ISY1: variants seen among roughly 807,000 people sequenced by gnomAD.
The protein encoded by ISY1 is pre-mRNA-splicing factor ISY1 homolog.
A neutral mutation model predicts 54.4 loss-of-function variants in ISY1; 12 were observed. The observed-to-expected ratio is 0.22, with a 90% CI of 0.14 to 0.36. The LOEUF is 0.36. ISY1 is among the 10% of genes least tolerant of loss of function. ISY1 has a pLI of 1.00. For missense variants in ISY1, 282 were observed against 342.2 expected (o/e 0.82, Z 1.39); for synonymous variants, 96 against 117.9 (o/e 0.81, Z 1.20).
intron 5 of ISY1, among the ~76,000 whole-genome samples, chr3:129,148,269 G>A (rs1269838136): frequency 6.6e-6 from 1 of 152,170 alleles, no homozygotes; most frequent in African/African-American, 2.4e-5. Context: ...TTGTGTAACA[G>A]AAAAGTATTA....
intron 7 of ISY1, among the ~76,000 whole-genome samples, chr3:129,136,397 C>T (rs531533922): frequency 4.7e-4 from 71 of 152,230 alleles, no homozygotes; most frequent in African/African-American, 1.6e-3. Context: ...CCACTGCACC[C>T]GGCTAAGTAA....
chr3:129,157,716 C>CAAAAAAA (rs1265760940), intron 3 of ISY1, among the ~76,000 whole-genome samples: 1 of 44,500 alleles, frequency 2.2e-5, no homozygotes, highest in Admixed American at 2.8e-4. Flanking sequence ...GCGTCCATCT[C>CAAAAAAA]AAAAAAAAAA....
intron 9 of ISY1, 94 bp downstream of exon 9, chr3:129,133,980 C>G (rs372356737): frequency 1.0e-5 from 16 of 1,575,254 alleles, no homozygotes; most frequent in East Asian, 6.8e-5. Context: ...GCTGTGAACC[C>G]TGACTCTGTA....
At chr3:129,157,990 C>G (rs1414160534) in intron 3 of ISY1, among the ~76,000 whole-genome samples, 1 of 152,002 alleles carries the variant, frequency 6.6e-6, no homozygotes, top group Non-Finnish European at 1.5e-5. Context: ...CCTCAAGTAG[C>G]TGGGATTACA....
Position 129,129,301 on chromosome 3 carries a change from G to A in ISY1, c.*780C>T, listed in dbSNP as rs767111465. ...CAGGAGCGAGTGGAGCAGGTGGAGG[G>A]GGGCTAACGGAGAGCCCAGAGCAGC... On this transcript the variant is annotated 3_prime_UTR_variant, in exon 11 of 11. Transcript: ENST00000393295. 6.6e-6 allele frequency: 1 copy of A among 152,124 alleles called. No individual in the cohort carries two copies. The highest frequency in any genetic ancestry group is 2.4e-5 in the African/African-American group (1 of 41,394). 9.4% of individuals were successfully genotyped at this position (152,124 alleles called of 1,614,324 possible).
chr3:129,129,990 A>G lies in ISY1; in HGVS notation c.*91T>C. ...GAAGGAAGGCTGAGAATGGGGCAGGAGCCCTTGCAGCACCAGCCTGTGTCT... is the reference window on the plus strand; with the variant it reads ...GAAGGAAGGCTGAGAATGGGGCAGGGGCCCTTGCAGCACCAGCCTGTGTCT... On this transcript the variant is annotated 3_prime_UTR_variant, in exon 11 of 11. Coordinates refer to ENST00000393295, the MANE Select transcript of ISY1 (RefSeq NM_020701.4). 1 of 963,176 alleles carries G rather than the reference A, an allele frequency of 1.0e-6. No homozygotes were observed. The allele number at this position is 963,176 out of a possible 1,614,324, so 59.7% of individuals were successfully genotyped here. A position where few individuals can be genotyped will look rare whatever the true frequency, so the allele number is the denominator to read the frequency against.
At chr3:129,141,743 G>C (rs1043408602) in intron 6 of ISY1, among the ~76,000 whole-genome samples, 10 of 151,512 alleles carry the variant, frequency 6.6e-5, no homozygotes, top group African/African-American at 2.4e-4. Flanking sequence ...GACAGAGCAA[G>C]ACTCCGTCTC....
At chr3:129,137,898 C>T (rs1176250938) in intron 7 of ISY1, among the ~76,000 whole-genome samples, 1 of 115,606 alleles carries the variant, frequency 8.7e-6, no homozygotes. Context: ...CTGGGCAACA[C>T]AGCAAGACTC....
intron 1 of ISY1, 103 bp from the exon 2 acceptor site, chr3:129,159,279 C>T: frequency 6.8e-7 from 1 of 1,461,564 alleles, no homozygotes; most frequent in Non-Finnish European, 9.3e-7. Flanking sequence ...CAATCACAAG[C>T]AAACCACTTG....
At chr3:129,136,485 G>A (rs879490865) in intron 7 of ISY1, among the ~76,000 whole-genome samples, 2 of 152,010 alleles carry the variant, frequency 1.3e-5, no homozygotes, top group Admixed American at 6.6e-5. Flanking sequence ...AGTGACTCAT[G>A]CCTGTAATCC....
rs1039802954 is a variant in ISY1, at chr3:129,130,634, C to T, written c.666G>A (p.Ser222=). 1.9e-6 allele frequency: 3 copies of T among 1,613,790 alleles called. No individual in the cohort carries two copies. Among genetic ancestry groups the T allele is most frequent in the Non-Finnish European group, 2.5e-6 (3 of 1,179,926 alleles). ...INIYAVTEEE[S]DEEGSQEKGG... ...CTTTCTCCTGGCTGCCTTCCTCGTCCGACTACAAACAGAACAAACGAAAGT... is the reference window on the plus strand; with the variant it reads ...CTTTCTCCTGGCTGCCTTCCTCGTCTGACTACAAACAGAACAAACGAAAGT... The change falls in exon 10 of 11, where the codon TCG becomes TCA. Residue 222 remains serine (S), a splice_region_variant and synonymous_variant. Coordinates refer to ENST00000393295, the MANE Select transcript of ISY1 (RefSeq NM_020701.4).
intron 5 of ISY1, among the ~76,000 whole-genome samples, chr3:129,152,899 G>C (rs1286698421): frequency 6.6e-6 from 1 of 151,990 alleles, no homozygotes; most frequent in Non-Finnish European, 1.5e-5. Context: ...ACTATGTGGA[G>C]TTGGTATTAT....
Position 129,134,176 on chromosome 3 carries a change from T to C in ISY1, c.561A>G (p.Glu187=). The change falls in exon 9 of 11, where the codon GAA becomes GAG. Residue 187 remains glutamate (E), a synonymous_variant. Transcript: ENST00000393295. The part of the protein sequence containing the change: ...YEKKLRAELV[E]KWKAEREARL... ...GAGCCTCTCTCTCTGCTTTCCACTTTTCCACTAACTCGGCTCTGACTGAAC... is the reference window on the plus strand; with the variant it reads ...GAGCCTCTCTCTCTGCTTTCCACTTCTCCACTAACTCGGCTCTGACTGAAC... 6.2e-7 allele frequency: 1 copy of C among 1,614,204 alleles called. No individual in the cohort carries two copies. The highest frequency in any genetic ancestry group is 1.3e-5 in the African/African-American group (1 of 75,062).
At chr3:129,132,931 GCTT>G (rs1382088695) in intron 9 of ISY1, among the ~76,000 whole-genome samples, 2 of 152,172 alleles carry the variant, frequency 1.3e-5, no homozygotes, top group Non-Finnish European at 2.9e-5. Context: ...ACCTGAGCCT[GCTT>G]CTTCACCAGT....
intron 7 of ISY1, among the ~76,000 whole-genome samples, chr3:129,135,393 A>T (rs1410738739): frequency 6.6e-6 from 1 of 152,068 alleles, no homozygotes; most frequent in Non-Finnish European, 1.5e-5. Flanking sequence ...CTATTCATGG[A>T]ATTATTTAAG....
rs778953332 is a variant in ISY1, at chr3:129,140,461, G to A, written c.325C>T (p.His109Tyr). Residue 109 changes from histidine (H) to tyrosine (Y), a missense_variant, in exon 7 of 11, where the codon CAT becomes TAT. His to Tyr is a moderately conservative substitution (Grantham distance 83). Coordinates refer to ENST00000393295, the MANE Select transcript of ISY1 (RefSeq NM_020701.4). ...TTTCCTGGGACTTCTTTTCCTTCAT[G>A]ATCCAGCATTTTAGGGCCAACTTTC... ...YGKVGPKMLDHEGKEVPGNRG... is the reference protein window; with the variant it reads ...YGKVGPKMLDYEGKEVPGNRG... The A allele has an allele frequency of 6.2e-7, 1 of 1,610,552 alleles. No individual in the cohort carries two copies. The highest frequency in any genetic ancestry group is 8.5e-7 in the Non-Finnish European group (1 of 1,179,210).
intron 5 of ISY1, among the ~76,000 whole-genome samples, chr3:129,154,728 T>G (rs539958711): frequency 6.7e-5 from 10 of 148,214 alleles, no homozygotes; most frequent in Admixed American, 3.4e-4. Context: ...TCGCTCTGTC[T>G]CCCAGGCTGG....
intron 9 of ISY1, among the ~76,000 whole-genome samples, chr3:129,133,280 AATCAGAAAATATGCAAAAG>A (rs368046287): frequency 4.6e-5 from 7 of 152,382 alleles, no homozygotes; most frequent in African/African-American, 9.6e-5. Flanking sequence ...ATTTCCTATA[AATCAGAAAATATGCAAAAG>A]ATCAGAAAAT....
rs148417054 is a variant in ISY1, at chr3:129,133,593, T to C, written c.663+481A>G. ...CCTGTAGTCCCAGCTACTTGGGAGG[T>C]TGAGGCAGAAGAATTGCTTGAACCC... is the stretch of plus-strand genomic sequence containing the variant. On this transcript the variant is annotated intron_variant, in intron 9 of 10. Transcript: ENST00000393295. 8.2e-3 allele frequency among the ~76,000 whole-genome samples: 1,253 copies of C among 152,132 alleles called. 20 individuals carry two copies. The highest frequency in any genetic ancestry group is 0.028 in the African/African-American group (1,180 of 41,498).
Sources: allele counts gnomAD v4.1 joint callset (sites outside exome capture counted in the v4.1 genomes callset), GRCh38; gene constraint gnomAD v4.1.1; transcripts MANE v1.5; gene names NCBI Gene and HGNC (gene_info 2026-07-23, HGNC 2026-07-21).